Variants in PALLD observed in about 807,000 individuals in gnomAD.
PALLD encodes the protein palladin.
A neutral mutation model predicts 123.5 loss-of-function variants in PALLD; 61 were observed. That is an observed-to-expected ratio of 0.49 (90% CI 0.40 to 0.61). PALLD has a LOEUF of 0.61. Ranked by LOEUF, PALLD falls within the 20% of genes least tolerant of loss-of-function variation. PALLD has a pLI of 0.00. For synonymous variants in PALLD, 465 were observed against 496.4 expected, an observed-to-expected ratio of 0.94 and a Z score of 0.84; for missense variants, 1,273 against 1,377.0, an observed-to-expected ratio of 0.92 and a Z score of 1.20.
chr4:168,788,581 A>G (rs1285204219), intron 10 of PALLD, among the ~76,000 whole-genome samples: 1 of 152,144 alleles, frequency 6.6e-6, no homozygotes, highest in African/African-American at 2.4e-5. Context: ...ATATCCATAC[A>G]ATGTACAACA....
chr4:168,723,970 G>A (rs370657886), intron 10 of PALLD, among the ~76,000 whole-genome samples: 44 of 141,178 alleles, frequency 3.1e-4, no homozygotes, highest in South Asian at 2.2e-3. Context: ...TCAGCTCACT[G>A]CAACCTCTGC....
intron 3 of PALLD, among the ~76,000 whole-genome samples, chr4:168,678,232 G>A (rs1156735250): frequency 1.3e-5 from 2 of 151,700 alleles, no homozygotes; most frequent in African/African-American, 4.8e-5. Flanking sequence ...TTCACCTCTT[G>A]GTTCCTTGGT....
chr4:168,511,427 C>G lies in PALLD; in HGVS notation c.-78C>G. 9.6e-7 allele frequency: 1 copy of G among 1,045,976 alleles called. No individual in the cohort carries two copies. Among genetic ancestry groups the G allele is most frequent in the East Asian group, 2.4e-5 (1 of 42,396 alleles). The allele number at this position is 1,045,976 out of a possible 1,614,324, so 64.8% of individuals were successfully genotyped here. Reference sequence around the variant, plus strand: ...ACATTCTATGCTGTCTTTCAGAACACAGTTTCAGAAAACAGTTTCCAGTGC... The same window carrying G: ...ACATTCTATGCTGTCTTTCAGAACAGAGTTTCAGAAAACAGTTTCCAGTGC... On this transcript the variant is annotated 5_prime_UTR_variant, in exon 2 of 22. Transcript: ENST00000505667.
intron 10 of PALLD, among the ~76,000 whole-genome samples, chr4:168,863,518 A>G (rs1229587391): frequency 1.3e-5 from 2 of 152,164 alleles, no homozygotes; most frequent in African/African-American, 2.4e-5. Flanking sequence ...TGTCCTGGAA[A>G]TCCCTCCATG....
intron 6 of PALLD, among the ~76,000 whole-genome samples, chr4:168,686,927 A>G (rs556125703): frequency 6.6e-6 from 1 of 152,344 alleles, no homozygotes; most frequent in Non-Finnish European, 1.5e-5. Context: ...GTACAAGGCT[A>G]GAGAAATTGA....
intron 10 of PALLD, among the ~76,000 whole-genome samples, chr4:168,761,322 G>C (rs140530033): frequency 6.6e-6 from 1 of 152,098 alleles, no homozygotes; most frequent in African/African-American, 2.4e-5. Flanking sequence ...GTGGTCCGCT[G>C]TAGGGCTACT....
At chr4:168,679,386 GT>G (rs1378620330) in intron 3 of PALLD, among the ~76,000 whole-genome samples, 7 of 129,528 alleles carry the variant, frequency 5.4e-5, no homozygotes, top group Non-Finnish European at 1.1e-4. Context: ...GTGTGTGTGT[GT>G]GTGTGGTGTG....
intron 10 of PALLD, among the ~76,000 whole-genome samples, chr4:168,798,233 G>A (rs1276588096): frequency 6.6e-6 from 1 of 152,058 alleles, no homozygotes; most frequent in Non-Finnish European, 1.5e-5. Context: ...AAAAGGCCTT[G>A]CCATATCAAA....
chr4:168,643,380 TGTTAACA>T (rs1166056650), intron 2 of PALLD, among the ~76,000 whole-genome samples: 1 of 152,192 alleles, frequency 6.6e-6, no homozygotes, highest in Non-Finnish European at 1.5e-5. Context: ...GGCTTTGCAA[TGTTAACA>T]GTTATCACAG....
chr4:168,906,090 G>A (rs1016255424), intron 15 of PALLD, among the ~76,000 whole-genome samples: 2 of 152,126 alleles, frequency 1.3e-5, no homozygotes, highest in African/African-American at 4.8e-5. Context: ...AAATGGTGGA[G>A]AACTGACAAA....
At chr4:168,743,414 GA>G (rs1292194097) in intron 10 of PALLD, among the ~76,000 whole-genome samples, 1 of 151,984 alleles carries the variant, frequency 6.6e-6, no homozygotes, top group Non-Finnish European at 1.5e-5. Context: ...TTACTTTCGA[GA>G]TTTTTTTTTT....
intron 10 of PALLD, among the ~76,000 whole-genome samples, chr4:168,808,336 C>T (rs560147937): frequency 6.6e-6 from 1 of 151,742 alleles, no homozygotes; most frequent in South Asian, 2.1e-4. Context: ...AAAAATTAGC[C>T]AGGCATGGTG....
At chr4:168,834,520 C>T (rs368556709) in intron 10 of PALLD, among the ~76,000 whole-genome samples, 8 of 152,184 alleles carry the variant, frequency 5.3e-5, no homozygotes, top group South Asian at 4.1e-4. Flanking sequence ...GGGCAGATCA[C>T]GAGGTCAGGA....
At chr4:168,887,133 G>GA (rs989499966) in intron 10 of PALLD, among the ~76,000 whole-genome samples, 9 of 121,232 alleles carry the variant, frequency 7.4e-5, no homozygotes, top group African/African-American at 2.0e-4. Context: ...AAAAAAAAAA[G>GA]AAAAAGAAAA....
intron 10 of PALLD, among the ~76,000 whole-genome samples, chr4:168,734,407 A>G (rs1477811872): frequency 2.0e-5 from 3 of 152,174 alleles, no homozygotes; most frequent in South Asian, 2.1e-4. Flanking sequence ...CTTGGCCATA[A>G]TCTATGTGTC....
At chr4:168,777,986 C>G (rs1050219184) in intron 10 of PALLD, among the ~76,000 whole-genome samples, 4 of 152,202 alleles carry the variant, frequency 2.6e-5, no homozygotes, top group African/African-American at 9.6e-5. Flanking sequence ...CCAGACTCAC[C>G]TCAACCTCAG....
At chr4:168,750,705 T>G (rs1227539588) in intron 10 of PALLD, among the ~76,000 whole-genome samples, 1 of 152,208 alleles carries the variant, frequency 6.6e-6, no homozygotes, top group South Asian at 2.1e-4. Flanking sequence ...AAAAAAGTTA[T>G]TCTACTCAGC....
At chr4:168,689,432 C>CTTTTTTTTTTTTTTTTTTTTT (rs70961551) in intron 6 of PALLD, among the ~76,000 whole-genome samples, 3 of 49,834 alleles carry the variant, frequency 6.0e-5, no homozygotes, top group Non-Finnish European at 1.1e-4. Context: ...ATCCAATATT[C>CTTTTTTTTTTTTTTTTTTTTT]TTTTTTTTTT....
chr4:168,818,606 TA>T (rs770638641), intron 10 of PALLD, among the ~76,000 whole-genome samples: 11 of 152,046 alleles, frequency 7.2e-5, no homozygotes, highest in Non-Finnish European at 1.3e-4. Flanking sequence ...TAAATAGTGG[TA>T]AAAAGAGTAT....
Sources: gnomAD v4.1 joint callset for allele counts (sites outside exome capture counted in the v4.1 genomes callset) on GRCh38, gnomAD v4.1.1 for gene constraint, MANE v1.5 for transcripts, NCBI Gene and HGNC (gene_info 2026-07-23, HGNC 2026-07-21) for gene names.